The following SLC25A13 variants were observed in gnomAD, a reference collection of about 807,000 sequenced individuals.
The protein encoded by SLC25A13 is solute carrier family 25 member 13.
In SLC25A13, 70 loss-of-function variants were observed where a neutral mutation model predicts 85.5. That is an observed-to-expected ratio of 0.82 (90% CI 0.68 to 1.00). SLC25A13 has a LOEUF of 1.00. Ranked by LOEUF, SLC25A13 falls within the 50% of genes least tolerant of loss-of-function variation. The pLI, the probability that SLC25A13 is intolerant of heterozygous loss-of-function variation, is 0.00. For missense variants in SLC25A13, 765 were observed against 819.8 expected, an observed-to-expected ratio of 0.93 and a Z score of 0.82; for synonymous variants, 259 against 288.7, an observed-to-expected ratio of 0.90 and a Z score of 1.04.
At chr7:96,274,590 A>G (rs1261081362) in intron 3 of SLC25A13, among the ~76,000 whole-genome samples, 1 of 152,138 alleles carries the variant, frequency 6.6e-6, no homozygotes, top group African/African-American at 2.4e-5. Context: ...GCACATGCCT[A>G]TGTCCTGAAT....
chr7:96,264,536 C>T (rs1362833979), intron 3 of SLC25A13, among the ~76,000 whole-genome samples: 6 of 152,172 alleles, frequency 3.9e-5, no homozygotes, highest in African/African-American at 1.2e-4. Context: ...GTCTCAGGAC[C>T]TCTTAACACA....
At chr7:96,234,975 A>G (rs1313012127) in intron 3 of SLC25A13, 58 bp from the exon 4 acceptor site, 3 of 1,226,274 alleles carry the variant, frequency 2.4e-6, no homozygotes, top group African/African-American at 3.0e-5. Flanking sequence ...ACAGAAGCAT[A>G]TACAAACATA....
chr7:96,228,713 C>T (rs11770026), intron 4 of SLC25A13, among the ~76,000 whole-genome samples: 81,314 of 151,934 alleles, frequency 0.54, 22,991 homozygotes, highest in Non-Finnish European at 0.62. Context: ...GGAGATAGAC[C>T]GTGTGGGCAG....
chr7:96,200,204 A>T (rs1385840791), intron 5 of SLC25A13, among the ~76,000 whole-genome samples: 1 of 152,228 alleles, frequency 6.6e-6, no homozygotes, highest in Non-Finnish European at 1.5e-5. Context: ...GATTCAAAAT[A>T]ATTCCTTTTT....
In SLC25A13 at chr7:96,120,361, G is replaced by C. The variant is rs1257825553; in HGVS notation, c.*830C>G. Reference sequence around the variant, plus strand: ...TAAAGTGGATTTTAAAAGCAAGTGGGTACCAATGATGGGGAGATGAGGAGA... The same window carrying C: ...TAAAGTGGATTTTAAAAGCAAGTGGCTACCAATGATGGGGAGATGAGGAGA... On this transcript the variant is annotated 3_prime_UTR_variant, in exon 18 of 18. Transcript: ENST00000265631. 2.2e-6 allele frequency: 1 copy of C among 453,956 alleles called. No homozygotes were observed. Among genetic ancestry groups the C allele is most frequent in the African/African-American group, 2.0e-5 (1 of 49,976 alleles). The allele number at this position is 453,956 out of a possible 1,614,324, so 28.1% of individuals were successfully genotyped here.
intron 3 of SLC25A13, 134 bp from the exon 4 acceptor site, chr7:96,235,051 A>C: frequency 1.6e-6 from 1 of 641,206 alleles, no homozygotes; most frequent in Non-Finnish European, 2.7e-6. Flanking sequence ...ATTTATAAAC[A>C]TTTAGCATTT....
chr7:96,234,974 T>C (rs920922765), intron 3 of SLC25A13, 57 bp from the exon 4 acceptor site: 8 of 1,261,972 alleles, frequency 6.3e-6, no homozygotes, highest in Non-Finnish European at 9.2e-6. Flanking sequence ...AACAGAAGCA[T>C]ATACAAACAT....
chr7:96,223,381 T>C (rs1191955269), intron 4 of SLC25A13, among the ~76,000 whole-genome samples: 1 of 152,234 alleles, frequency 6.6e-6, no homozygotes, highest in Non-Finnish European at 1.5e-5. Context: ...AAACATGTAA[T>C]AGCATAATGC....
At chr7:96,173,318 T>A (rs1326000202) in intron 11 of SLC25A13, among the ~76,000 whole-genome samples, 2 of 152,224 alleles carry the variant, frequency 1.3e-5, no homozygotes, top group African/African-American at 2.4e-5. Flanking sequence ...TTAGTCTTCA[T>A]AACCACTCTA....
At chr7:96,222,388 C>G (rs1796167088) in intron 4 of SLC25A13, among the ~76,000 whole-genome samples, 1 of 152,158 alleles carries the variant, frequency 6.6e-6, no homozygotes, top group African/African-American at 2.4e-5. Flanking sequence ...AGAATCAGAA[C>G]CAATTCCCTT....
At chr7:96,261,945 T>A (rs909175544) in intron 3 of SLC25A13, among the ~76,000 whole-genome samples, 5 of 152,240 alleles carry the variant, frequency 3.3e-5, no homozygotes, top group Middle Eastern at 6.8e-3. Context: ...AAGAACCCAC[T>A]CCCACATACC....
chr7:96,289,234 A>G (rs986126994), intron 2 of SLC25A13, among the ~76,000 whole-genome samples: 2 of 152,212 alleles, frequency 1.3e-5, no homozygotes, highest in African/African-American at 4.8e-5. Context: ...CAGAAAGGAC[A>G]TCCACACCAA....
At chr7:96,124,735 T>C (rs1328375055) in intron 15 of SLC25A13, among the ~76,000 whole-genome samples, 1 of 152,232 alleles carries the variant, frequency 6.6e-6, no homozygotes, top group African/African-American at 2.4e-5. Context: ...TGAATTCATT[T>C]ACAGTGCTTG....
intron 4 of SLC25A13, among the ~76,000 whole-genome samples, chr7:96,227,876 T>C: frequency 6.6e-6 from 1 of 152,162 alleles, no homozygotes. Context: ...TTTTTTTTTC[T>C]GTTTTGAGCC....
At chr7:96,270,536 C>A (rs1369819366) in intron 3 of SLC25A13, among the ~76,000 whole-genome samples, 1 of 147,980 alleles carries the variant, frequency 6.8e-6, no homozygotes. Context: ...GCCTGGGCAA[C>A]AGAGCAAGAC....
At position 96,241,509 on chromosome 7, in the gene SLC25A13, A is replaced by G. The variant is rs543766262; in HGVS notation, c.213-6592T>C. Among the ~76,000 whole-genome samples, 5 of 152,318 alleles carry G rather than the reference A, an allele frequency of 3.3e-5. No homozygotes were observed. The East Asian group carries it at 9.7e-4, about 29-fold the overall frequency. Reference sequence around the variant, plus strand: ...AATCCATGGTAGTAAGTAAAAAGTCATTTACACAATGATGTGTAGAAAATT... The same window carrying G: ...AATCCATGGTAGTAAGTAAAAAGTCGTTTACACAATGATGTGTAGAAAATT... On this transcript the variant is annotated intron_variant, in intron 3 of 17. Coordinates refer to ENST00000265631, the MANE Select transcript of SLC25A13 (RefSeq NM_014251.3).
intron 13 of SLC25A13, among the ~76,000 whole-genome samples, chr7:96,168,468 T>C (rs1326656435): frequency 1.3e-5 from 2 of 152,184 alleles, no homozygotes; most frequent in East Asian, 3.9e-4. Flanking sequence ...CCACTTCTGA[T>C]GCCAATGTGC....
At position 96,301,003 on chromosome 7, in the gene SLC25A13, T is replaced by C. The variant is rs202231468; in HGVS notation, c.16-4052A>G. Among the ~76,000 whole-genome samples, 12 of 152,356 alleles carry C rather than the reference T, an allele frequency of 7.9e-5. No individual in the cohort carries two copies. The East Asian group carries it at 2.1e-3, about 27-fold the overall frequency. On this transcript the variant is annotated intron_variant, in intron 1 of 17. Coordinates refer to ENST00000265631, the MANE Select transcript of SLC25A13 (RefSeq NM_014251.3). Reference sequence around the variant, plus strand: ...ACTTACACAACTTAATTGAAGACAATGCAAAGTTACCATGAGATGTACCAG... The same window carrying C: ...ACTTACACAACTTAATTGAAGACAACGCAAAGTTACCATGAGATGTACCAG...
chr7:96,141,320 G>A (rs1014579073), intron 14 of SLC25A13, among the ~76,000 whole-genome samples: 3 of 152,120 alleles, frequency 2.0e-5, no homozygotes, highest in African/African-American at 7.2e-5. Context: ...ACCATGCTCG[G>A]CCATATCTTT....
Sources: allele counts gnomAD v4.1 joint callset (sites outside exome capture counted in the v4.1 genomes callset), GRCh38; gene constraint gnomAD v4.1.1; transcripts MANE v1.5; gene names NCBI Gene and HGNC (gene_info 2026-07-23, HGNC 2026-07-21).